Variants in TRIO observed in about 807,000 individuals in gnomAD.
TRIO encodes trio Rho guanine nucleotide exchange factor.
TRIO carries 58 observed loss-of-function variants against 351.9 expected under a neutral mutation model. The observed-to-expected ratio is 0.16, with a 90% CI of 0.13 to 0.21. The LOEUF is 0.21. TRIO is among the 10% of genes least tolerant of loss of function. The pLI is 1.00. For synonymous variants in TRIO, 1,758 were observed against 1,595.7 expected, an observed-to-expected ratio of 1.10 and a Z score of -2.42; for missense variants, 3,201 against 4,027.8, an observed-to-expected ratio of 0.79 and a Z score of 5.56.
intron 1 of TRIO, among the ~76,000 whole-genome samples, chr5:14,206,255 C>T (rs1290116718): frequency 6.6e-6 from 1 of 152,082 alleles, no homozygotes; most frequent in Non-Finnish European, 1.5e-5. Context: ...AGAGATGGGT[C>T]TCACTGTGTT....
chr5:14,263,289 G>A (rs768609743), intron 1 of TRIO, among the ~76,000 whole-genome samples: 1 of 152,130 alleles, frequency 6.6e-6, no homozygotes, highest in Non-Finnish European at 1.5e-5. Flanking sequence ...TAGTCCATGT[G>A]CACTGAGAGA....
chr5:14,437,036 AATCT>A, intron 34 of TRIO, among the ~76,000 whole-genome samples: 1 of 152,202 alleles, frequency 6.6e-6, no homozygotes. Context: ...AAGTGTCTGC[AATCT>A]ATCAACAAAG....
At chr5:14,389,877 C>T (rs1163707874) in intron 25 of TRIO, among the ~76,000 whole-genome samples, 1 of 152,212 alleles carries the variant, frequency 6.6e-6, no homozygotes, top group Non-Finnish European at 1.5e-5. Flanking sequence ...GCAGCGGCAG[C>T]AGAAGCTCCT....
At chr5:14,417,271 G>A (rs2152387721) in intron 33 of TRIO, among the ~76,000 whole-genome samples, 1 of 152,352 alleles carries the variant, frequency 6.6e-6, no homozygotes, top group East Asian at 1.9e-4. Flanking sequence ...TTGTGGCCTA[G>A]CAAAGCTGAT....
At chr5:14,325,220 GA>G (rs1156242158) in intron 9 of TRIO, among the ~76,000 whole-genome samples, 1 of 152,226 alleles carries the variant, frequency 6.6e-6, no homozygotes, top group Non-Finnish European at 1.5e-5. Flanking sequence ...TCTCCTGTTT[GA>G]TGAGGGTTTA....
chr5:14,211,597 T>G (rs1162158906), intron 1 of TRIO, among the ~76,000 whole-genome samples: 1 of 150,656 alleles, frequency 6.6e-6, no homozygotes, highest in African/African-American at 2.4e-5. Flanking sequence ...GTTGTTTTTT[T>G]TTTTTTTTTT....
intron 18 of TRIO, among the ~76,000 whole-genome samples, chr5:14,371,763 C>T (rs762278319): frequency 6.6e-6 from 1 of 151,932 alleles, no homozygotes; most frequent in Non-Finnish European, 1.5e-5. Context: ...ACCTCCGCCC[C>T]CCTAGGAGCT....
chr5:14,221,295 A>T (rs35250467), intron 1 of TRIO, among the ~76,000 whole-genome samples: 27 of 152,248 alleles, frequency 1.8e-4, no homozygotes, highest in African/African-American at 6.5e-4. Flanking sequence ...TCTTGTGTAG[A>T]TGTATAAGAA....
chr5:14,337,773 CA>C (rs1741559625), intron 11 of TRIO, among the ~76,000 whole-genome samples: 1 of 152,126 alleles, frequency 6.6e-6, no homozygotes, highest in Non-Finnish European at 1.5e-5. Flanking sequence ...GTTTGGACTG[CA>C]GGCTTCCCTC....
intron 55 of TRIO, 95 bp from the exon 56 acceptor site, chr5:14,507,027 A>T: frequency 6.9e-7 from 1 of 1,440,650 alleles, no homozygotes; most frequent in Non-Finnish European, 9.1e-7. Context: ...CACATTCATA[A>T]CAGGTGACAG....
intron 1 of TRIO, among the ~76,000 whole-genome samples, chr5:14,216,617 C>T (rs917044355): frequency 1.1e-4 from 17 of 152,214 alleles, no homozygotes; most frequent in African/African-American, 3.9e-4. Flanking sequence ...AACATCTGTA[C>T]AGTGGATTGG....
intron 11 of TRIO, among the ~76,000 whole-genome samples, chr5:14,354,278 G>C (rs888119850): frequency 5.9e-5 from 9 of 152,224 alleles, no homozygotes; most frequent in African/African-American, 2.2e-4. Flanking sequence ...CTGTTTTGCT[G>C]ATTTTGCTGT....
At chr5:14,437,557 G>C (rs952122738) in intron 34 of TRIO, among the ~76,000 whole-genome samples, 2 of 152,092 alleles carry the variant, frequency 1.3e-5, no homozygotes, top group Non-Finnish European at 2.9e-5. Flanking sequence ...TAGAGATCAG[G>C]GTGTCAGCAG....
At chr5:14,342,664 C>T (rs1742046645) in intron 11 of TRIO, among the ~76,000 whole-genome samples, 1 of 152,204 alleles carries the variant, frequency 6.6e-6, no homozygotes, top group South Asian at 2.1e-4. Context: ...AATTTGGTTC[C>T]CAGCTTCCAA....
chr5:14,267,379 A>G (rs912531009), intron 1 of TRIO, among the ~76,000 whole-genome samples: 13 of 151,920 alleles, frequency 8.6e-5, no homozygotes, highest in Admixed American at 4.6e-4. Flanking sequence ...CTGTTCCTGA[A>G]CCTCTCTGTG....
intron 34 of TRIO, among the ~76,000 whole-genome samples, chr5:14,444,557 G>A (rs1258126188): frequency 3.9e-5 from 6 of 152,102 alleles, no homozygotes; most frequent in South Asian, 2.1e-4. Flanking sequence ...TGATAATCTC[G>A]CTGAGCTGCA....
In TRIO at chr5:14,227,981, A is replaced by G. The variant is rs182457357; in HGVS notation, c.158-42844A>G. 3.2e-4 allele frequency among the ~76,000 whole-genome samples: 49 copies of G among 152,238 alleles called. 1 individual carries two copies. In the East Asian group the frequency reaches 9.5e-3, roughly 29 times the overall value. On this transcript the variant is annotated intron_variant, in intron 1 of 56. Coordinates refer to ENST00000344204, the MANE Select transcript of TRIO (RefSeq NM_007118.4). ...TCATTAATGCTTAGCCAAGTATTCC[A>G]TTAATAGATGCCTATGAGCATTTGT... is the stretch of plus-strand genomic sequence containing the variant.
At chr5:14,157,578 T>TGTCTCTCTCTCTCTCC (rs1788192297) in intron 1 of TRIO, among the ~76,000 whole-genome samples, 1 of 150,132 alleles carries the variant, frequency 6.7e-6, no homozygotes, top group African/African-American at 2.5e-5. Flanking sequence ...TCTCTCTCTC[T>TGTCTCTCTCTCTCTCC]CCCTGTCTCT....
chr5:14,377,344 C>G (rs1745652858), intron 19 of TRIO, among the ~76,000 whole-genome samples: 1 of 151,902 alleles, frequency 6.6e-6, no homozygotes, highest in Admixed American at 6.6e-5. Context: ...CTCCCAGGTT[C>G]AAGGAAGTCT....
Sources: gnomAD v4.1 joint callset for allele counts (sites outside exome capture counted in the v4.1 genomes callset) on GRCh38, gnomAD v4.1.1 for gene constraint, MANE v1.5 for transcripts, NCBI Gene and HGNC (gene_info 2026-07-23, HGNC 2026-07-21) for gene names.